Variants in CLEC2D observed in about 807,000 individuals in gnomAD.
CLEC2D encodes the protein C-type lectin related f.
CLEC2D carries 16 observed loss-of-function variants against 20.0 expected under a neutral mutation model. The ratio of observed to expected loss-of-function variants is 0.80; its 90% CI spans 0.54 to 1.22. The LOEUF (loss-of-function observed/expected upper bound fraction) is 1.22, where lower values mean the gene tolerates loss of function less well. Among genes scored for constraint, CLEC2D ranks in the 50% most tolerant of loss-of-function variants. The pLI is 0.00. For synonymous variants in CLEC2D, 77 were observed against 71.1 expected, an observed-to-expected ratio of 1.08 and a Z score of -0.42; for missense variants, 207 against 221.5, an observed-to-expected ratio of 0.93 and a Z score of 0.42.
chr12:9,677,763 C>T (rs1427767953), intron 1 of CLEC2D, among the ~76,000 whole-genome samples: 1 of 147,308 alleles, frequency 6.8e-6, no homozygotes, highest in Non-Finnish European at 1.5e-5. Flanking sequence ...CTCGCTCTGT[C>T]ACCCAGACTG....
chr12:9,675,839 A>T (rs1389803744), intron 1 of CLEC2D, among the ~76,000 whole-genome samples: 1 of 152,200 alleles, frequency 6.6e-6, no homozygotes, highest in East Asian at 1.9e-4. Flanking sequence ...TTTTCCACAT[A>T]TAGATTTTGT....
At chr12:9,670,803 G>A (rs561196257) in intron 1 of CLEC2D, among the ~76,000 whole-genome samples, 83 of 152,212 alleles carry the variant, frequency 5.5e-4, no homozygotes, top group Non-Finnish European at 9.7e-4. Flanking sequence ...GAAAGCCTTT[G>A]TAGTGCTATT....
rs114655137 is a variant in CLEC2D at position 9,694,130 on chromosome 12, G to A, written c.462-630G>A. Among the ~76,000 whole-genome samples, 650 of 151,864 alleles carry A rather than the reference G, an allele frequency of 4.3e-3. 9 individuals are homozygous for A. Among genetic ancestry groups the A allele is most frequent in the African/African-American group, 0.015 (630 of 41,392 alleles). ...TGCCTGGCCTCTCAAAATATTTTAA[G>A]GATCAAATATATTATTAACTAACCA... is the stretch of plus-strand genomic sequence containing the variant. On this transcript the variant is annotated intron_variant, in intron 4 of 4. Coordinates refer to ENST00000290855, the MANE Select transcript of CLEC2D (RefSeq NM_013269.6).
chr12:9,688,155 C>T, intron 3 of CLEC2D, 69 bp downstream of exon 3: 6 of 1,178,330 alleles, frequency 5.1e-6, no homozygotes, highest in South Asian at 3.9e-5. Flanking sequence ...GTGAAATTAT[C>T]TAAGAGGTAG....
In CLEC2D at chr12:9,669,773, A is replaced by G; in HGVS notation, c.39A>G (p.Pro13=). 1.9e-6 allele frequency: 3 copies of G among 1,613,904 alleles called. No homozygotes were observed. The highest frequency in any genetic ancestry group is 1.7e-6 in the Non-Finnish European group (2 of 1,179,816). ...ACAATGTGGAGAAAGACATTACACC[A>G]TCTGAATTGCCTGCAAACCCAGGTA... ...DSNNVEKDIT[P]SELPANPGCL... is the part of the protein sequence containing the mutation. Residue 13 remains proline (P), a synonymous_variant, in exon 1 of 5, where the codon CCA becomes CCG. Transcript: ENST00000290855.
At chr12:9,690,237 G>T (rs1431791142) in intron 3 of CLEC2D, among the ~76,000 whole-genome samples, 1 of 152,024 alleles carries the variant, frequency 6.6e-6, no homozygotes, top group Non-Finnish European at 1.5e-5. Context: ...AAATAAAACT[G>T]CCAACCATGA....
At chr12:9,693,945 A>T (rs1483981920) in intron 4 of CLEC2D, 1 of 290,826 alleles carries the variant, frequency 3.4e-6, no homozygotes. Flanking sequence ...AGCTGGGACT[A>T]CAGGTGTGTG....
At chr12:9,690,278 A>T (rs934196227) in intron 3 of CLEC2D, among the ~76,000 whole-genome samples, 4 of 152,136 alleles carry the variant, frequency 2.6e-5, no homozygotes, top group African/African-American at 9.7e-5. Context: ...GTCCTTCAAG[A>T]ATGAAGGAAA....
In CLEC2D at chr12:9,696,938, A is replaced by C. The variant is rs1160406075; in HGVS notation, c.*2064A>C. The stretch of plus-strand genomic sequence containing the variant: ...TTTATTATAACACATCTTTATTCAT[A>C]ATAGCCAAGATACGGAACTAACTGA... On this transcript the variant is annotated 3_prime_UTR_variant, in exon 5 of 5. Transcript: ENST00000290855. 2 of 152,160 alleles carry C rather than the reference A, an allele frequency of 1.3e-5. 1 individual carries two copies. The highest frequency in any genetic ancestry group is 4.8e-5 in the African/African-American group (2 of 41,440). 9.4% of individuals were successfully genotyped at this position (152,160 alleles called of 1,614,324 possible).
At position 9,683,447 on chromosome 12, in the gene CLEC2D, C is replaced by T. The variant is rs141472050; in HGVS notation, c.172+2414C>T. Reference sequence around the variant, plus strand: ...GTGTTTTAATCATAAAACCTTTGCCCATGCCTGTGTCCTGAATGGTATTGC... The same window carrying T: ...GTGTTTTAATCATAAAACCTTTGCCTATGCCTGTGTCCTGAATGGTATTGC... On this transcript the variant is annotated intron_variant, in intron 2 of 4. Transcript: ENST00000290855. Among the ~76,000 whole-genome samples the T allele has an allele frequency of 3.2e-3, 481 of 150,996 alleles. 4 individuals carry two copies. Among genetic ancestry groups the T allele is most frequent in the African/African-American group, 0.011 (459 of 40,854 alleles).
intron 3 of CLEC2D, 125 bp downstream of exon 3, chr12:9,688,211 T>TGACACAG: frequency 8.0e-7 from 1 of 1,252,198 alleles, no homozygotes; most frequent in Non-Finnish European, 1.0e-6. Context: ...TTTTTTTTTT[T>TGACACAG]TTTGCATAAC....
chr12:9,693,384 T>C, intron 4 of CLEC2D: 1 of 296,724 alleles, frequency 3.4e-6, no homozygotes, highest in Non-Finnish European at 6.2e-6. Context: ...AGTTTGGCAC[T>C]AGAAAATTTA....
At position 9,695,012 on chromosome 12, in the gene CLEC2D, A is replaced by G. The variant is rs1340852404; in HGVS notation, c.*138A>G. ...CAATATCACTAATAACTGGGAAAATACAAATCAAAATCATAGTAAAATATT... is the reference window on the plus strand; with the variant it reads ...CAATATCACTAATAACTGGGAAAATGCAAATCAAAATCATAGTAAAATATT... On this transcript the variant is annotated 3_prime_UTR_variant, in exon 5 of 5. Transcript: ENST00000290855. 3.3e-6 allele frequency: 2 copies of G among 608,612 alleles called. No individual in the cohort carries two copies. The highest frequency in any genetic ancestry group is 5.7e-5 in the Admixed American group (2 of 34,998). The allele number at this position is 608,612 out of a possible 1,614,324, so 37.7% of individuals were successfully genotyped here. A position where few individuals can be genotyped will look rare whatever the true frequency, so the allele number is the denominator to read the frequency against.
chr12:9,695,597 T>C lies in CLEC2D; in HGVS notation c.*723T>C. Reference sequence around the variant, plus strand: ...GCCATGAATGACGAAGGCAGTCCAATTAAAGTAACACTGGCAACTTTGAAA... The same window carrying C: ...GCCATGAATGACGAAGGCAGTCCAACTAAAGTAACACTGGCAACTTTGAAA... On this transcript the variant is annotated 3_prime_UTR_variant, in exon 5 of 5. Coordinates refer to ENST00000290855, the MANE Select transcript of CLEC2D (RefSeq NM_013269.6). The C allele has an allele frequency of 6.5e-7, 1 of 1,546,950 alleles. No homozygotes were observed. The highest frequency in any genetic ancestry group is 8.8e-7 in the Non-Finnish European group (1 of 1,133,688).
chr12:9,681,182 A>G, intron 2 of CLEC2D, 149 bp downstream of exon 2: 1 of 517,572 alleles, frequency 1.9e-6, no homozygotes, highest in Admixed American at 3.4e-5. Context: ...AAGTGGCACC[A>G]AAAATTTTAA....
chr12:9,677,707 C>CTT (rs36120151), intron 1 of CLEC2D, among the ~76,000 whole-genome samples: 46 of 122,348 alleles, frequency 3.8e-4, no homozygotes, highest in East Asian at 7.0e-4. Context: ...TTCTTTCTTT[C>CTT]TTTTTTTTTT....
In CLEC2D at chr12:9,698,158, T is replaced by C. The variant is rs1021602692; in HGVS notation, c.*3284T>C. 1.3e-5 allele frequency: 2 copies of C among 152,236 alleles called. No homozygotes were observed. The highest frequency in any genetic ancestry group is 4.8e-5 in the African/African-American group (2 of 41,468). 9.4% of individuals were successfully genotyped at this position (152,236 alleles called of 1,614,324 possible). A position where few individuals can be genotyped will look rare whatever the true frequency, so the allele number is the denominator to read the frequency against. On this transcript the variant is annotated 3_prime_UTR_variant, in exon 5 of 5. Transcript: ENST00000290855. ...TGGAATACAATGTGATGTTCTGATA[T>C]ATGTGTACACTATGGAATGATTAAA... is the stretch of plus-strand genomic sequence containing the variant.
intron 2 of CLEC2D, among the ~76,000 whole-genome samples, chr12:9,684,010 T>C (rs1378564530): frequency 1.3e-5 from 2 of 152,208 alleles, no homozygotes; most frequent in East Asian, 3.8e-4. Flanking sequence ...TCTATGAGCA[T>C]GGAATGATTT....
At position 9,688,186 on chromosome 12, in the gene CLEC2D, A is replaced by AT. The variant is rs1865792216; in HGVS notation, c.357+102dup. On this transcript the variant is annotated intron_variant, in intron 3 of 4. Coordinates refer to ENST00000290855, the MANE Select transcript of CLEC2D (RefSeq NM_013269.6). ...GGTAGGTTTAGACATCTGCTTTTAC[A>AT]TTGATTTTTTTTTTTTTTTTTTTTT... is the stretch of plus-strand genomic sequence containing the variant. 3 of 1,070,256 alleles carry AT rather than the reference A, an allele frequency of 2.8e-6. 1 individual carries two copies. The Middle Eastern group carries it at 1.0e-3, about 364-fold the overall frequency. The allele number at this position is 1,070,256 out of a possible 1,614,324, so 66.3% of individuals were successfully genotyped here. A position where few individuals can be genotyped will look rare whatever the true frequency, so the allele number is the denominator to read the frequency against.
Sources: allele counts gnomAD v4.1 joint callset (sites outside exome capture counted in the v4.1 genomes callset), GRCh38; gene constraint gnomAD v4.1.1; transcripts MANE v1.5; gene names NCBI Gene and HGNC (gene_info 2026-07-23, HGNC 2026-07-21).